ETF1: variants seen among roughly 807,000 people sequenced by gnomAD.
The protein encoded by ETF1 is eukaryotic peptide chain release factor subunit 1.
Under a neutral mutation model 55.1 loss-of-function variants are expected in ETF1, and 4 were observed. That is an observed-to-expected ratio of 0.07 (90% CI 0.04 to 0.17). ETF1 has a LOEUF of 0.17. ETF1 is among the 10% of genes least tolerant of loss of function. The pLI, the probability that ETF1 is intolerant of heterozygous loss-of-function variation, is 1.00. For missense variants in ETF1, 142 were observed against 523.6 expected, an observed-to-expected ratio of 0.27 and a Z score of 7.11; for synonymous variants, 157 against 182.3, an observed-to-expected ratio of 0.86 and a Z score of 1.12.
At chr5:138,510,462 G>T in intron 9 of ETF1, 103 bp downstream of exon 9, 3 of 597,610 alleles carry the variant, frequency 5.0e-6, no homozygotes, top group Non-Finnish European at 2.9e-6. Context: ...CCCCCAATTA[G>T]TATAAGGTTT....
chr5:138,537,285 TTAA>T (rs774155508), intron 2 of ETF1, among the ~76,000 whole-genome samples: 1 of 152,234 alleles, frequency 6.6e-6, no homozygotes, highest in Non-Finnish European at 1.5e-5. Context: ...TCCTGATCTT[TTAA>T]TAATACAGTT....
At chr5:138,531,870 C>A (rs1398608975) in intron 2 of ETF1, among the ~76,000 whole-genome samples, 1 of 152,076 alleles carries the variant, frequency 6.6e-6, no homozygotes, top group East Asian at 1.9e-4. Context: ...CAGGGTGAAA[C>A]CCCATCTCTA....
chr5:138,510,680 C>A, intron 8 of ETF1, 51 bp from the exon 9 acceptor site: 1 of 1,602,506 alleles, frequency 6.2e-7, no homozygotes, highest in South Asian at 1.1e-5. Flanking sequence ...ATATACTAAT[C>A]TGTGTAAGCT....
intron 2 of ETF1, among the ~76,000 whole-genome samples, chr5:138,542,465 G>C (rs1049053288): frequency 2.0e-5 from 3 of 151,908 alleles, no homozygotes; most frequent in Non-Finnish European, 4.4e-5. Context: ...AAGGGCCCTG[G>C]GAAAGGAAGG....
chr5:138,508,035 A>G lies in ETF1; in HGVS notation c.*270T>C. 2 of 372,726 alleles carry G rather than the reference A, an allele frequency of 5.4e-6. No individual in the cohort carries two copies. Among genetic ancestry groups the G allele is most frequent in the Non-Finnish European group, 9.6e-6 (2 of 208,848 alleles). The allele number at this position is 372,726 out of a possible 1,614,324, so 23.1% of individuals were successfully genotyped here. A position where few individuals can be genotyped will look rare whatever the true frequency, so the allele number is the denominator to read the frequency against. Reference sequence around the variant, plus strand: ...GAGCAACCAATTTCACCATCCAGTAAAAGTAAAAACTGGGATTCTTTTTTA... The same window carrying G: ...GAGCAACCAATTTCACCATCCAGTAGAAGTAAAAACTGGGATTCTTTTTTA... On this transcript the variant is annotated 3_prime_UTR_variant, in exon 11 of 11. Coordinates refer to ENST00000360541, the MANE Select transcript of ETF1 (RefSeq NM_004730.4).
At position 138,510,357 on chromosome 5, in the gene ETF1, C is replaced by CAAAAAAAA. The variant is rs57906231; in HGVS notation, c.1083+200_1083+207dup. 5.7e-4 allele frequency among the ~76,000 whole-genome samples: 37 copies of CAAAAAAAA among 64,804 alleles called. 1 individual carries two copies. Among genetic ancestry groups the CAAAAAAAA allele is most frequent in the African/African-American group, 2.0e-3 (33 of 16,622 alleles). The allele number at this position is 64,804 out of a possible 152,430, so 42.5% of individuals were successfully genotyped here. On this transcript the variant is annotated intron_variant, in intron 9 of 10. Coordinates refer to ENST00000360541, the MANE Select transcript of ETF1 (RefSeq NM_004730.4). ...TGGGCAACAGAGCAAGACCTTGTCT[C>CAAAAAAAA]AAAAAAAAAAAAAAAAAAAAAAAAA...
At position 138,541,591 on chromosome 5, in the gene ETF1, G is replaced by A. The variant is rs552836002; in HGVS notation, c.86+1242C>T. 310 of 1,531,186 alleles carry A rather than the reference G, an allele frequency of 2.0e-4. 2 individuals carry two copies. In the East Asian group the frequency reaches 7.2e-3, roughly 36 times the overall value. 94.8% of individuals were successfully genotyped at this position (1,531,186 alleles called of 1,614,324 possible). A position where few individuals can be genotyped will look rare whatever the true frequency, so the allele number is the denominator to read the frequency against. On this transcript the variant is annotated intron_variant, in intron 2 of 10. Transcript: ENST00000360541. Reference sequence around the variant, plus strand: ...ACAGTAATAATGAAGAGCTTGGAGGGGCTGTCATTCTAAAATTGCAAATCT... The same window carrying A: ...ACAGTAATAATGAAGAGCTTGGAGGAGCTGTCATTCTAAAATTGCAAATCT...
At chr5:138,516,297 A>G (rs1037042227) in intron 4 of ETF1, among the ~76,000 whole-genome samples, 1 of 152,176 alleles carries the variant, frequency 6.6e-6, no homozygotes, top group African/African-American at 2.4e-5. Context: ...ATAGTGTGAT[A>G]GCTCACATTG....
At chr5:138,522,553 A>G (rs1021776871) in intron 2 of ETF1, among the ~76,000 whole-genome samples, 1 of 151,936 alleles carries the variant, frequency 6.6e-6, no homozygotes, top group East Asian at 1.9e-4. Context: ...TTGTGCTTCA[A>G]TGTTCATGGA....
chr5:138,512,007 T>C (rs1364218091), intron 6 of ETF1: 2 of 424,438 alleles, frequency 4.7e-6, no homozygotes, highest in Non-Finnish European at 6.3e-6. Context: ...GAGACCAGCC[T>C]AGGCAACATG....
In ETF1 at chr5:138,514,229, T is replaced by C. The variant is rs189398105; in HGVS notation, c.403-523A>G. On this transcript the variant is annotated intron_variant, in intron 4 of 10. Coordinates refer to ENST00000360541, the MANE Select transcript of ETF1 (RefSeq NM_004730.4). ...GGAAAAAAGGGGGAACAAGGAATTA[T>C]TGCTCAATGGATACAGTTTCAGTTT... Among the ~76,000 whole-genome samples, 536 of 152,296 alleles carry C rather than the reference T, an allele frequency of 3.5e-3. 7 individuals carry two copies. The highest frequency in any genetic ancestry group is 0.012 in the African/African-American group (493 of 41,556).
At chr5:138,513,879 T>G (rs1057231024) in intron 4 of ETF1, 173 bp from the exon 5 acceptor site, 1 of 799,102 alleles carries the variant, frequency 1.3e-6, no homozygotes, top group African/African-American at 1.9e-5. Flanking sequence ...GTAACTCTTA[T>G]GGACAAATTT....
rs923992956 is a variant in ETF1 at position 138,543,197 on chromosome 5, A to T, written c.-119T>A. ...GGACACCGGCTCCCTCTCTCCAGGC[A>T]GCTGCATGTGTTGCAATCCGCTCAC... is the stretch of plus-strand genomic sequence containing the variant. On this transcript the variant is annotated 5_prime_UTR_variant, in exon 1 of 11. Coordinates refer to ENST00000360541, the MANE Select transcript of ETF1 (RefSeq NM_004730.4). 1.1e-5 allele frequency: 6 copies of T among 545,974 alleles called. No homozygotes were observed. Among genetic ancestry groups the T allele is most frequent in the Admixed American group, 3.4e-5 (1 of 29,674 alleles). 33.8% of individuals were successfully genotyped at this position (545,974 alleles called of 1,614,324 possible).
chr5:138,531,501 C>G (rs942931260), intron 2 of ETF1, among the ~76,000 whole-genome samples: 24 of 152,228 alleles, frequency 1.6e-4, no homozygotes, highest in African/African-American at 5.8e-4. Flanking sequence ...CCCGAACACT[C>G]ACTCCCCCTC....
In ETF1 at chr5:138,525,578, C is replaced by T. The variant is rs192299124; in HGVS notation, c.87-6711G>A. Among the ~76,000 whole-genome samples the T allele has an allele frequency of 4.4e-3, 677 of 152,282 alleles. 3 individuals are homozygous for T. Among genetic ancestry groups the T allele is most frequent in the Non-Finnish European group, 7.1e-3 (485 of 68,022 alleles). On this transcript the variant is annotated intron_variant, in intron 2 of 10. Coordinates refer to ENST00000360541, the MANE Select transcript of ETF1 (RefSeq NM_004730.4). The stretch of plus-strand genomic sequence containing the variant: ...AAGGCTGGCTTTAGTACAATAGCTA[C>T]CAGTATAAATTGAGCTGACTTACAT...
intron 10 of ETF1, 87 bp from the exon 11 acceptor site, chr5:138,508,474 T>A: frequency 6.3e-7 from 1 of 1,583,220 alleles, no homozygotes; most frequent in Middle Eastern, 1.7e-4. Flanking sequence ...AGGGAAGCCC[T>A]ATTCTCTTGC....
At chr5:138,526,845 C>T (rs559146986) in intron 2 of ETF1, among the ~76,000 whole-genome samples, 17 of 152,126 alleles carry the variant, frequency 1.1e-4, no homozygotes, top group South Asian at 6.2e-4. Flanking sequence ...AGACTACAGG[C>T]GCATGCAACC....
At chr5:138,542,327 G>A (rs1766213371) in intron 2 of ETF1, among the ~76,000 whole-genome samples, 2 of 152,178 alleles carry the variant, frequency 1.3e-5, no homozygotes, top group South Asian at 2.1e-4. Context: ...TCAGAAAGAA[G>A]CTGTCCCTGG....
chr5:138,508,490 TG>T (rs2127059202), intron 10 of ETF1, 103 bp from the exon 11 acceptor site: 1 of 1,570,624 alleles, frequency 6.4e-7, no homozygotes, highest in African/African-American at 1.4e-5. Flanking sequence ...CTTGCAGAAT[TG>T]CAGAAAGCAA....
Sources: gnomAD v4.1 joint callset for allele counts (sites outside exome capture counted in the v4.1 genomes callset) on GRCh38, gnomAD v4.1.1 for gene constraint, MANE v1.5 for transcripts, NCBI Gene and HGNC (gene_info 2026-07-23, HGNC 2026-07-21) for gene names.